TMEM117: variants seen among roughly 807,000 people sequenced by gnomAD.
TMEM117 encodes transmembrane protein 117.
A neutral mutation model predicts 52.4 loss-of-function variants in TMEM117; 27 were observed. That is an observed-to-expected ratio of 0.51 (90% CI 0.38 to 0.71). The LOEUF is 0.71. TMEM117 is among the 30% of genes least tolerant of loss of function. The probability of loss-of-function intolerance (pLI) is 0.00; values close to 1 mark genes in which losing one functional copy is unlikely to be tolerated. For missense variants in TMEM117, 556 were observed against 630.5 expected, an observed-to-expected ratio of 0.88 and a Z score of 1.26; for synonymous variants, 215 against 206.3, an observed-to-expected ratio of 1.04 and a Z score of -0.36.
chr12:44,123,949 GTAATT>G (rs1187281712), intron 3 of TMEM117, among the ~76,000 whole-genome samples: 1 of 152,150 alleles, frequency 6.6e-6, no homozygotes, highest in Non-Finnish European at 1.5e-5. Context: ...AATGTCAATG[GTAATT>G]TAATGGGAAT....
chr12:44,285,918 A>G (rs942909337), intron 5 of TMEM117, among the ~76,000 whole-genome samples: 1 of 152,240 alleles, frequency 6.6e-6, no homozygotes, highest in African/African-American at 2.4e-5. Context: ...CTCATGAACA[A>G]CATGGTTAGA....
At chr12:43,802,435 G>C in the TMEM117 span, 14 of 1,601,220 alleles carry the variant, frequency 8.7e-6, no homozygotes, top group Non-Finnish European at 1.1e-5. Flanking sequence ...GAATCTGAAG[G>C]CTGACTATAT....
chr12:43,986,706 A>G (rs535625756), intron 3 of TMEM117, among the ~76,000 whole-genome samples: 247 of 152,240 alleles, frequency 1.6e-3, no homozygotes, highest in Admixed American at 2.1e-3. Context: ...TGGAATTTCA[A>G]TGAGACATAA....
At chr12:44,186,167 GT>G (rs1450301342) in intron 4 of TMEM117, among the ~76,000 whole-genome samples, 2 of 152,186 alleles carry the variant, frequency 1.3e-5, no homozygotes, top group African/African-American at 4.8e-5. Flanking sequence ...GCCATTGGGA[GT>G]CCTGATAATG....
At chr12:44,132,180 T>A (rs559167795) in intron 3 of TMEM117, among the ~76,000 whole-genome samples, 6 of 147,746 alleles carry the variant, frequency 4.1e-5, no homozygotes, top group Admixed American at 3.4e-4. Context: ...CGGGAGGGGC[T>A]GCTCAGGTTT....
intron 1 of TMEM117, among the ~76,000 whole-genome samples, chr12:43,837,058 A>T (rs186026331): frequency 2.6e-5 from 4 of 151,310 alleles, no homozygotes; most frequent in Non-Finnish European, 4.4e-5. Context: ...TTTTTTTTGT[A>T]AAGTATTGAC....
intron 3 of TMEM117, among the ~76,000 whole-genome samples, chr12:44,055,492 C>A (rs140216971): frequency 6.6e-6 from 1 of 152,058 alleles, no homozygotes; most frequent in Non-Finnish European, 1.5e-5. Flanking sequence ...CAAAAATCAA[C>A]CTTAGGAAAA....
chr12:44,059,781 C>T (rs2137950597), intron 3 of TMEM117, among the ~76,000 whole-genome samples: 1 of 152,332 alleles, frequency 6.6e-6, no homozygotes, highest in Non-Finnish European at 1.5e-5. Context: ...AAGTATTTAA[C>T]TATGACATTT....
chr12:43,835,318 G>A (rs1943009301), upstream of TMEM117, among the ~76,000 whole-genome samples: 1 of 152,178 alleles, frequency 6.6e-6, no homozygotes, highest in Admixed American at 6.5e-5. Context: ...AGGCTCCGGA[G>A]AGCCTCAGAC....
In TMEM117 at chr12:43,846,789, T is replaced by C. The variant is rs114334798; in HGVS notation, c.277+1861T>C. 9.1e-3 allele frequency among the ~76,000 whole-genome samples: 1,385 copies of C among 152,280 alleles called. 20 individuals carry two copies. The highest frequency in any genetic ancestry group is 0.03 in the African/African-American group (1,251 of 41,552). On this transcript the variant is annotated intron_variant, in intron 2 of 7. Coordinates refer to ENST00000266534, the MANE Select transcript of TMEM117 (RefSeq NM_032256.3). Reference sequence around the variant, plus strand: ...TGACTTACTGAAGGTATTTTTGGTCTAGAGTTTGGGTTAGAAACCATGGCA... The same window carrying C: ...TGACTTACTGAAGGTATTTTTGGTCCAGAGTTTGGGTTAGAAACCATGGCA...
At position 44,369,466 on chromosome 12, in the gene TMEM117, A is replaced by G. The variant is rs558164783; in HGVS notation, c.769-7129A>G. On this transcript the variant is annotated intron_variant, in intron 6 of 7. Coordinates refer to ENST00000266534, the MANE Select transcript of TMEM117 (RefSeq NM_032256.3). ...TTCTATAGGCACTAAACTATTACTT[A>G]TATTTCATTTATATATGTTGACTTC... 3.9e-5 allele frequency among the ~76,000 whole-genome samples: 6 copies of G among 152,302 alleles called. No individual in the cohort carries two copies. The South Asian group carries it at 1.0e-3, about 26-fold the overall frequency.
intron 4 of TMEM117, among the ~76,000 whole-genome samples, chr12:44,168,202 G>A (rs1948995907): frequency 6.6e-6 from 1 of 151,746 alleles, no homozygotes. Flanking sequence ...GCAGGGAGCT[G>A]AGATGGCGCT....
intron 5 of TMEM117, among the ~76,000 whole-genome samples, chr12:44,266,109 G>A (rs1019621848): frequency 2.6e-5 from 4 of 152,052 alleles, no homozygotes; most frequent in Admixed American, 1.3e-4. Flanking sequence ...TGGGTGTATA[G>A]CTAGAAGTGA....
intron 3 of TMEM117, among the ~76,000 whole-genome samples, chr12:44,008,138 C>G (rs993017880): frequency 6.6e-6 from 1 of 152,148 alleles, no homozygotes; most frequent in African/African-American, 2.4e-5. Flanking sequence ...GAAACAGATA[C>G]CTGGATGAGG....
intron 2 of TMEM117, among the ~76,000 whole-genome samples, chr12:43,910,229 A>G (rs1444822705): frequency 1.3e-5 from 2 of 151,946 alleles, no homozygotes; most frequent in Admixed American, 6.6e-5. Flanking sequence ...TATAAGCAGA[A>G]CCAAAGCCAA....
intron 5 of TMEM117, among the ~76,000 whole-genome samples, chr12:44,288,654 A>G (rs1950664865): frequency 6.6e-6 from 1 of 152,198 alleles, no homozygotes; most frequent in Non-Finnish European, 1.5e-5. Context: ...AAAAAGTTTT[A>G]ATTACTAATT....
chr12:44,324,262 C>A (rs1951168878), intron 6 of TMEM117, among the ~76,000 whole-genome samples: 2 of 151,936 alleles, frequency 1.3e-5, no homozygotes, highest in South Asian at 4.2e-4. Context: ...TCATTAATTT[C>A]TTTTCTTTCC....
At chr12:44,282,069 A>T (rs772634127) in intron 5 of TMEM117, among the ~76,000 whole-genome samples, 1 of 152,026 alleles carries the variant, frequency 6.6e-6, no homozygotes, top group Non-Finnish European at 1.5e-5. Context: ...ACAAGAACTG[A>T]TGGGTTTATC....
chr12:44,153,214 A>G (rs1948780200), intron 4 of TMEM117, among the ~76,000 whole-genome samples: 1 of 152,050 alleles, frequency 6.6e-6, no homozygotes. Flanking sequence ...TAGGAGGTTA[A>G]GTGTCTTGCC....
Sources: gnomAD v4.1 joint callset for allele counts (sites outside exome capture counted in the v4.1 genomes callset) on GRCh38, gnomAD v4.1.1 for gene constraint, MANE v1.5 for transcripts, NCBI Gene and HGNC (gene_info 2026-07-23, HGNC 2026-07-21) for gene names.